MEGF10: variants seen among roughly 807,000 people sequenced by gnomAD.
The protein encoded by MEGF10 is multiple EGF like domains 10.
Under a neutral mutation model 147.5 loss-of-function variants are expected in MEGF10, and 86 were observed. The observed-to-expected ratio is 0.58, with a 90% CI of 0.49 to 0.70. The LOEUF (loss-of-function observed/expected upper bound fraction) is 0.70, where lower values mean the gene tolerates loss of function less well. MEGF10 is among the 30% of genes least tolerant of loss of function. MEGF10 has a pLI of 0.00. For synonymous variants in MEGF10, 478 were observed against 525.5 expected, an observed-to-expected ratio of 0.91 and a Z score of 1.24; for missense variants, 1,329 against 1,487.3, an observed-to-expected ratio of 0.89 and a Z score of 1.75.
chr5:127,355,327 A>G (rs540549518), intron 4 of MEGF10, among the ~76,000 whole-genome samples: 1 of 152,154 alleles, frequency 6.6e-6, no homozygotes, highest in Non-Finnish European at 1.5e-5. Flanking sequence ...AAAAAAAACC[A>G]TAGTCTTTTG....
chr5:127,305,082 C>T (rs1385593383), intron 1 of MEGF10, among the ~76,000 whole-genome samples: 1 of 152,138 alleles, frequency 6.6e-6, no homozygotes, highest in Non-Finnish European at 1.5e-5. Context: ...GAACCTAACC[C>T]ACAGTCCTAA....
rs374899049 is a variant in MEGF10, at chr5:127,328,247, C to T, written c.-18-3044C>T. Among the ~76,000 whole-genome samples the T allele has an allele frequency of 6.6e-5, 10 of 152,222 alleles. 1 individual carries two copies. Among genetic ancestry groups the T allele is most frequent in the Admixed American group, 4.6e-4 (7 of 15,290 alleles). On this transcript the variant is annotated intron_variant, in intron 1 of 24. Coordinates refer to ENST00000503335, the MANE Select transcript of MEGF10 (RefSeq NM_001256545.2). ...ATGTGAATTTGCATGATCCTTGCCT[C>T]TTGATCAAACAATTCTTTTTGGTTT...
intron 4 of MEGF10, among the ~76,000 whole-genome samples, chr5:127,368,840 T>C (rs1358899126): frequency 6.6e-6 from 1 of 152,196 alleles, no homozygotes; most frequent in Admixed American, 6.5e-5. Flanking sequence ...GAAATATTAC[T>C]GCCATTATAT....
At chr5:127,420,273 T>G (rs1455632622) in intron 12 of MEGF10, 66 bp downstream of exon 12, 6 of 1,544,214 alleles carry the variant, frequency 3.9e-6, no homozygotes, top group Non-Finnish European at 4.4e-6. Flanking sequence ...AGTTGGCTTC[T>G]TTTTGCATTT....
chr5:127,423,801 C>T (rs975065393), intron 13 of MEGF10, among the ~76,000 whole-genome samples: 1 of 151,964 alleles, frequency 6.6e-6, no homozygotes, highest in African/African-American at 2.4e-5. Flanking sequence ...ATATAATTTA[C>T]AAATATTTTA....
intron 13 of MEGF10, among the ~76,000 whole-genome samples, chr5:127,430,239 T>C (rs140812997): frequency 7.2e-5 from 11 of 152,252 alleles, no homozygotes; most frequent in African/African-American, 2.6e-4. Context: ...CCCTTGAATG[T>C]TTGCTGAGTT....
intron 5 of MEGF10, among the ~76,000 whole-genome samples, chr5:127,375,764 C>T (rs182398305): frequency 2.4e-4 from 37 of 152,344 alleles, no homozygotes; most frequent in Non-Finnish European, 2.5e-4. Context: ...TTATTAATCT[C>T]TGTAAGCCTC....
At chr5:127,418,585 GACCTCCAGTTGCCTTT>G (rs1289318584) in intron 10 of MEGF10, among the ~76,000 whole-genome samples, 8 of 152,190 alleles carry the variant, frequency 5.3e-5, no homozygotes, top group African/African-American at 1.9e-4. Flanking sequence ...GAAAGGAGAT[GACCTCCAGTTGCCTTT>G]GGTAGCTTAA....
In MEGF10 at chr5:127,459,402, A is replaced by C. The variant is rs1359725101; in HGVS notation, c.*2084A>C. ...ATAGTTAACCACTGGCTGGCTCCCAACTCTAGGTGATAGGCATCTAATTGA... is the reference window on the plus strand; with the variant it reads ...ATAGTTAACCACTGGCTGGCTCCCACCTCTAGGTGATAGGCATCTAATTGA... On this transcript the variant is annotated 3_prime_UTR_variant, in exon 25 of 25. Transcript: ENST00000503335. The C allele has an allele frequency of 6.6e-6, 1 of 152,110 alleles. No homozygotes were observed. Among genetic ancestry groups the C allele is most frequent in the Non-Finnish European group, 1.5e-5 (1 of 68,024 alleles). 9.4% of individuals were successfully genotyped at this position (152,110 alleles called of 1,614,324 possible).
intron 1 of MEGF10, among the ~76,000 whole-genome samples, chr5:127,310,110 A>G (rs896581782): frequency 1.3e-5 from 2 of 148,548 alleles, no homozygotes; most frequent in Admixed American, 6.8e-5. Flanking sequence ...GATAATAGCA[A>G]TCCTAATCAG....
chr5:127,447,673 A>C lies in MEGF10; in HGVS notation c.2845A>C (p.Thr949Pro). 2.5e-6 allele frequency: 4 copies of C among 1,614,108 alleles called. No individual in the cohort carries two copies. The highest frequency in any genetic ancestry group is 3.4e-6 in the Non-Finnish European group (4 of 1,179,968). Residue 949 changes from threonine to proline, a missense_variant, in exon 21 of 25, where the codon ACT becomes CCT. Physicochemically the swap from Thr to Pro is conservative, Grantham distance 38 (BLOSUM62 -1). Around this residue, in one of 3 missense-constraint regions of MEGF10, gnomAD observed 343 missense variants for 377.9 expected, o/e 0.91. Coordinates refer to ENST00000503335, the MANE Select transcript of MEGF10 (RefSeq NM_001256545.2). The stretch of plus-strand genomic sequence containing the variant: ...TCACGTCAACAACAGGGACAGGATG[A>C]CTGTCACGAAGGTGAGAGGAATTGG... ...SPHVNNRDRM[T>P]VTKSKNNQLF...
At chr5:127,255,542 A>G in the MEGF10 span, among the ~76,000 whole-genome samples, 1 of 152,204 alleles carries the variant, frequency 6.6e-6, no homozygotes, top group African/African-American at 2.4e-5. Context: ...CAGCCAGCCT[A>G]TGAAGCTAGA....
At chr5:127,341,384 T>C (rs1263658698) in intron 4 of MEGF10, among the ~76,000 whole-genome samples, 1 of 152,052 alleles carries the variant, frequency 6.6e-6, no homozygotes, top group Non-Finnish European at 1.5e-5. Flanking sequence ...GATGCTGATG[T>C]TGAGTAGCAC....
chr5:127,337,059 G>A (rs977072083), intron 2 of MEGF10, among the ~76,000 whole-genome samples: 3 of 152,094 alleles, frequency 2.0e-5, no homozygotes, highest in African/African-American at 4.8e-5. Context: ...TTATTCGGGC[G>A]CAAAATTTGA....
chr5:127,304,575 C>T (rs1759929473), intron 1 of MEGF10, among the ~76,000 whole-genome samples: 5 of 152,214 alleles, frequency 3.3e-5, no homozygotes, highest in Admixed American at 3.3e-4. Flanking sequence ...CTCACTGTAA[C>T]CTCTGCCTCC....
intron 1 of MEGF10, among the ~76,000 whole-genome samples, chr5:127,317,288 G>A (rs1760596748): frequency 6.6e-6 from 1 of 152,156 alleles, no homozygotes; most frequent in East Asian, 1.9e-4. Flanking sequence ...CGCTCTGATG[G>A]TAGTTTCTTT....
chr5:127,430,611 C>T (rs1339607681), intron 13 of MEGF10, among the ~76,000 whole-genome samples: 1 of 152,124 alleles, frequency 6.6e-6, no homozygotes, highest in Non-Finnish European at 1.5e-5. Flanking sequence ...GAAGGTACTA[C>T]TCAGCAATAA....
At chr5:127,347,963 A>G (rs1231308618) in intron 4 of MEGF10, among the ~76,000 whole-genome samples, 1 of 152,074 alleles carries the variant, frequency 6.6e-6, no homozygotes, top group African/African-American at 2.4e-5. Flanking sequence ...GAAAAATGCA[A>G]AAGACTTGCA....
intron 14 of MEGF10, among the ~76,000 whole-genome samples, chr5:127,433,981 G>A (rs968096167): frequency 3.3e-5 from 5 of 152,196 alleles, no homozygotes; most frequent in African/African-American, 1.2e-4. Context: ...GTTGAAAAAG[G>A]AGACTGTTGA....
Sources: gnomAD v4.1 joint callset for allele counts (sites outside exome capture counted in the v4.1 genomes callset) on GRCh38, gnomAD v4.1.1 for gene constraint, gnomAD v4.1.1 regional missense constraint, MANE v1.5 for transcripts, NCBI Gene and HGNC (gene_info 2026-07-23, HGNC 2026-07-21) for gene names.